ATL1: variants seen among roughly 807,000 people sequenced by gnomAD.
ATL1 encodes the protein atlastin-1.
ATL1 carries 31 observed loss-of-function variants against 75.5 expected under a neutral mutation model. The ratio of observed to expected loss-of-function variants is 0.41; its 90% CI spans 0.31 to 0.55. The LOEUF (loss-of-function observed/expected upper bound fraction) is 0.55. ATL1 is among the 20% of genes least tolerant of loss of function. ATL1 has a pLI of 0.27. For missense variants in ATL1, 405 were observed against 662.6 expected, an observed-to-expected ratio of 0.61 and a Z score of 4.27; for synonymous variants, 226 against 233.3, an observed-to-expected ratio of 0.97 and a Z score of 0.28.
At chr14:50,614,221 A>C (rs2140226734) in intron 7 of ATL1, 152 bp from the exon 8 acceptor site, 2 of 853,930 alleles carry the variant, frequency 2.3e-6, no homozygotes, top group East Asian at 2.7e-5. Context: ...GGGCAAACCC[A>C]CCCAAGACTT....
chr14:50,574,401 C>G (rs1474548414), intron 1 of ATL1, among the ~76,000 whole-genome samples: 1 of 152,178 alleles, frequency 6.6e-6, no homozygotes, highest in Non-Finnish European at 1.5e-5. Flanking sequence ...AATTGTAGTG[C>G]TGTAGTTTCA....
chr14:50,614,189 A>G (rs147727059), intron 7 of ATL1, among the ~76,000 whole-genome samples, 184 bp from the exon 8 acceptor site: 1 of 152,294 alleles, frequency 6.6e-6, no homozygotes, highest in African/African-American at 2.4e-5. Context: ...TGCGTTTTCT[A>G]TACTTAGACA....
At chr14:50,620,502 G>A (rs2039457225) in intron 8 of ATL1, 97 bp from the exon 9 acceptor site, 1 of 1,314,638 alleles carries the variant, frequency 7.6e-7, no homozygotes, top group Non-Finnish European at 1.1e-6. Flanking sequence ...CATTATCACT[G>A]GGGAGGAAAT....
At chr14:50,569,254 G>A (rs762006198) in intron 1 of ATL1, among the ~76,000 whole-genome samples, 12 of 151,900 alleles carry the variant, frequency 7.9e-5, no homozygotes, top group Admixed American at 2.6e-4. Flanking sequence ...CAGCTACTCC[G>A]GAGGCTGAAG....
chr14:50,585,473 T>C (rs892653874), intron 1 of ATL1, among the ~76,000 whole-genome samples: 4 of 152,204 alleles, frequency 2.6e-5, no homozygotes, highest in African/African-American at 9.7e-5. Context: ...CGTCATCAAA[T>C]AAAATATGTA....
rs2038990404 is a variant in ATL1 at position 50,574,939 on chromosome 14, A to ATATATATG, written c.35-12885_35-12884insGTATATAT. 7.5e-5 allele frequency among the ~76,000 whole-genome samples: 4 copies of ATATATATG among 53,076 alleles called. No homozygotes were observed. The East Asian group carries it at 3.2e-3, about 43-fold the overall frequency. The allele number at this position is 53,076 out of a possible 152,430, so 34.8% of individuals were successfully genotyped here. On this transcript the variant is annotated intron_variant, in intron 1 of 13. Transcript: ENST00000358385. ...TGTGTGTGTGTGTGTGTGTGTGTGT[A>ATATATATG]TATATATATATATATATATATATAT...
chr14:50,533,996 G>A (rs528063405), intron 1 of ATL1, among the ~76,000 whole-genome samples: 1 of 152,296 alleles, frequency 6.6e-6, no homozygotes, highest in Non-Finnish European at 1.5e-5. Flanking sequence ...TTGAAGAACA[G>A]TTCCTTCTTT....
chr14:50,551,712 G>A (rs1215125074), intron 1 of ATL1, among the ~76,000 whole-genome samples: 5 of 152,074 alleles, frequency 3.3e-5, no homozygotes, highest in Non-Finnish European at 7.4e-5. Context: ...ATTCAGGGAT[G>A]GTTTAACATA....
chr14:50,621,805 G>T, intron 9 of ATL1, 38 bp from the exon 10 acceptor site: 1 of 1,274,570 alleles, frequency 7.8e-7, no homozygotes. Flanking sequence ...AATATTGAAT[G>T]GAATTGCTTG....
chr14:50,607,047 T>C (rs1015587420), intron 6 of ATL1, among the ~76,000 whole-genome samples: 1 of 151,992 alleles, frequency 6.6e-6, no homozygotes, highest in African/African-American at 2.4e-5. Flanking sequence ...GATAACAAAT[T>C]AATTTAGCAA....
rs79201253 is a variant in ATL1, at chr14:50,593,108, A to G, written c.523-738A>G. On this transcript the variant is annotated intron_variant, in intron 4 of 13. Coordinates refer to ENST00000358385, the MANE Select transcript of ATL1 (RefSeq NM_015915.5). Reference sequence around the variant, plus strand: ...TCACAGTGTAAGCCATACTTATACAAGCCTATTTAAACCAGATTGACTTTG... The same window carrying G: ...TCACAGTGTAAGCCATACTTATACAGGCCTATTTAAACCAGATTGACTTTG... Among the ~76,000 whole-genome samples, 994 of 151,898 alleles carry G rather than the reference A, an allele frequency of 6.5e-3. 8 individuals carry two copies. The highest frequency in any genetic ancestry group is 0.022 in the African/African-American group (923 of 41,454).
chr14:50,626,779 A>G (rs1466485502), intron 11 of ATL1, among the ~76,000 whole-genome samples: 4 of 152,156 alleles, frequency 2.6e-5, no homozygotes, highest in Admixed American at 6.5e-5. Flanking sequence ...TCTTCTGGCC[A>G]TTTTGAAATG....
chr14:50,550,716 AAAT>A (rs1454054894), intron 1 of ATL1, among the ~76,000 whole-genome samples: 1 of 152,242 alleles, frequency 6.6e-6, no homozygotes, highest in African/African-American at 2.4e-5. Flanking sequence ...GACCACAGTG[AAAT>A]AAAACTGGAA....
At chr14:50,590,828 A>G (rs2039148845) in intron 2 of ATL1, 113 bp from the exon 3 acceptor site, 1 of 1,078,698 alleles carries the variant, frequency 9.3e-7, no homozygotes, top group East Asian at 2.4e-5. Flanking sequence ...ATAGATGTGC[A>G]TATGTTGTTT....
intron 6 of ATL1, among the ~76,000 whole-genome samples, chr14:50,604,869 G>A (rs1165605629): frequency 6.6e-6 from 1 of 152,004 alleles, no homozygotes; most frequent in African/African-American, 2.4e-5. Context: ...TAGCAATAGT[G>A]ATTGTACTGT....
At chr14:50,618,857 GTA>G (rs1359835471) in intron 8 of ATL1, among the ~76,000 whole-genome samples, 1 of 125,290 alleles carries the variant, frequency 8.0e-6, no homozygotes, top group East Asian at 2.8e-4. Flanking sequence ...TATATATAAT[GTA>G]TGTGTGTGTG....
At chr14:50,581,188 G>T (rs2039051952) in intron 1 of ATL1, among the ~76,000 whole-genome samples, 1 of 147,660 alleles carries the variant, frequency 6.8e-6, no homozygotes. Flanking sequence ...AATCTAATTT[G>T]ATATTCTTTT....
At chr14:50,560,699 G>A (rs2038830043) in intron 1 of ATL1, among the ~76,000 whole-genome samples, 2 of 152,334 alleles carry the variant, frequency 1.3e-5, no homozygotes, top group Non-Finnish European at 1.5e-5. Context: ...GCGAGGGGTC[G>A]GGGATCTAGA....
At chr14:50,542,006 CAAAAAAAAAAAAAAAAAA>C (rs59075218) in intron 1 of ATL1, among the ~76,000 whole-genome samples, 32 of 62,470 alleles carry the variant, frequency 5.1e-4, no homozygotes, top group East Asian at 3.8e-3. Flanking sequence ...GATTCCGTCT[CAAAAAAAAAAAAAAAAAA>C]AAAAAAAAAA....
Sources: allele counts gnomAD v4.1 joint callset (sites outside exome capture counted in the v4.1 genomes callset), GRCh38; gene constraint gnomAD v4.1.1; transcripts MANE v1.5; gene names NCBI Gene and HGNC (gene_info 2026-07-23, HGNC 2026-07-21).